The following CDH22 variants were observed in gnomAD, a reference collection of about 807,000 sequenced individuals.
The protein encoded by CDH22 is cadherin 22.
In CDH22, 30 loss-of-function variants were observed where a neutral mutation model predicts 58.4. That is an observed-to-expected ratio of 0.51 (90% CI 0.38 to 0.70). The LOEUF (loss-of-function observed/expected upper bound fraction) is 0.70, where lower values mean the gene tolerates loss of function less well. CDH22 is among the 30% of genes least tolerant of loss of function. CDH22 has a pLI of 0.00. For missense variants in CDH22, 1,014 were observed against 1,233.9 expected (o/e 0.82, Z 2.67); for synonymous variants, 513 against 558.2 (o/e 0.92, Z 1.14).
intron 6 of CDH22, among the ~76,000 whole-genome samples, chr20:46,211,344 C>A (rs1213684836): frequency 1.3e-5 from 2 of 152,200 alleles, no homozygotes; most frequent in African/African-American, 2.4e-5. Context: ...CAGGCAGGTG[C>A]CTACCCTGTG....
intron 1 of CDH22, among the ~76,000 whole-genome samples, chr20:46,302,132 T>C (rs899148643): frequency 2.6e-5 from 4 of 152,102 alleles, no homozygotes; most frequent in Non-Finnish European, 4.4e-5. Context: ...ATGGAGTGAG[T>C]GCAGCTTTGC....
intron 7 of CDH22, among the ~76,000 whole-genome samples, chr20:46,207,404 G>A (rs1323655294): frequency 3.9e-5 from 6 of 152,290 alleles, no homozygotes; most frequent in Admixed American, 6.5e-5. Context: ...TTACCTCCCT[G>A]GGAGAGCCTG....
chr20:46,284,478 G>A (rs2086567045), intron 1 of CDH22, among the ~76,000 whole-genome samples: 1 of 152,206 alleles, frequency 6.6e-6, no homozygotes, highest in Non-Finnish European at 1.5e-5. Context: ...AATCCCTGCT[G>A]TATGCAAGCT....
intron 1 of CDH22, among the ~76,000 whole-genome samples, chr20:46,298,359 G>A (rs1358764461): frequency 6.6e-6 from 1 of 152,194 alleles, no homozygotes; most frequent in Non-Finnish European, 1.5e-5. Context: ...ATCTTCAAAT[G>A]CTGTGTTAAG....
At chr20:46,181,631 T>TCCCTC (rs1568649708) in intron 10 of CDH22, among the ~76,000 whole-genome samples, 55 of 118,420 alleles carry the variant, frequency 4.6e-4, no homozygotes, top group Middle Eastern at 8.5e-3. Context: ...CTCCCTCCCT[T>TCCCTC]CCTTCCTTCT....
rs867708490 is a variant in CDH22 at position 46,210,467 on chromosome 20, G to A, written c.1126C>T (p.Arg376Cys). 10 of 1,436,046 alleles carry A rather than the reference G, an allele frequency of 7.0e-6. No individual in the cohort carries two copies. The highest frequency in any genetic ancestry group is 2.8e-5 in the East Asian group (1 of 36,036). 89.0% of individuals were successfully genotyped at this position (1,436,046 alleles called of 1,614,324 possible). Residue 376 changes from arginine (R) to cysteine (C), a missense_variant, in exon 7 of 12, where the codon CGC becomes TGC. Coordinates refer to ENST00000537909, the MANE Select transcript of CDH22 (RefSeq NM_021248.3). The surrounding 1 kb of genome is among the most constrained non-coding windows in gnomAD (Gnocchi z 4.5). Reference sequence around the variant, plus strand: ...GCCACGCGCACGATCGCCTGGTCGCGGAACGTGCCCAGGTCGGCGAAGCGG... The same window carrying A: ...GCCACGCGCACGATCGCCTGGTCGCAGAACGTGCCCAGGTCGGCGAAGCGG... ...DPRFADLGTFRDQAIVRVAVT... is the reference protein window; with the variant it reads ...DPRFADLGTFCDQAIVRVAVT...
At position 46,257,729 on chromosome 20, in the gene CDH22, C is replaced by T. The variant is rs574200737; in HGVS notation, c.-399-6036G>A. Among the ~76,000 whole-genome samples the T allele has an allele frequency of 1.1e-4, 16 of 152,240 alleles. No individual in the cohort carries two copies. In the South Asian group the frequency reaches 3.3e-3, roughly 32 times the overall value. On this transcript the variant is annotated intron_variant, in intron 1 of 11. Transcript: ENST00000537909. ...ATGGCTAGGAGTTCAGGGGTGAGGT[C>T]CTGCTGCAGGTAGCAATTTGGGAAT...
intron 1 of CDH22, among the ~76,000 whole-genome samples, chr20:46,264,904 G>C (rs905203890): frequency 6.6e-6 from 1 of 150,376 alleles, no homozygotes; most frequent in Non-Finnish European, 1.5e-5. Context: ...CACACACACC[G>C]TGCGCACACA....
intron 7 of CDH22, among the ~76,000 whole-genome samples, chr20:46,203,253 T>G (rs1600694974): frequency 2.6e-5 from 2 of 78,408 alleles, no homozygotes; most frequent in African/African-American, 4.9e-5. Flanking sequence ...AGAGAGTGAG[T>G]GGGAGGGAGG....
At chr20:46,222,092 G>A (rs567385016) in intron 4 of CDH22, among the ~76,000 whole-genome samples, 1 of 152,288 alleles carries the variant, frequency 6.6e-6, no homozygotes, top group African/African-American at 2.4e-5. Context: ...TATGTGAAAT[G>A]GAGACACCCA....
chr20:46,203,796 GAGA>G (rs2085978982), intron 7 of CDH22, among the ~76,000 whole-genome samples: 1 of 152,198 alleles, frequency 6.6e-6, no homozygotes, highest in African/African-American at 2.4e-5. Flanking sequence ...ACAGTAGTCT[GAGA>G]AGGACAGGAG....
chr20:46,257,660 C>T (rs79208050), intron 1 of CDH22, among the ~76,000 whole-genome samples: 1 of 152,162 alleles, frequency 6.6e-6, no homozygotes, highest in African/African-American at 2.4e-5. Context: ...ACCCCGAAAG[C>T]CTGTTAGGCA....
chr20:46,249,457 T>C (rs559422161), intron 2 of CDH22, among the ~76,000 whole-genome samples: 2 of 152,338 alleles, frequency 1.3e-5, no homozygotes, highest in East Asian at 1.9e-4. Flanking sequence ...CATTCATTCA[T>C]TCATTCATTC....
At chr20:46,252,294 G>A (rs1188929079) in intron 1 of CDH22, among the ~76,000 whole-genome samples, 1 of 152,174 alleles carries the variant, frequency 6.6e-6, no homozygotes, top group African/African-American at 2.4e-5. Flanking sequence ...AGAGGGCCTG[G>A]CTTGGAGACA....
intron 1 of CDH22, among the ~76,000 whole-genome samples, chr20:46,281,691 G>T (rs1358832229): frequency 6.6e-6 from 1 of 152,218 alleles, no homozygotes; most frequent in Admixed American, 6.5e-5. Context: ...AAGGGAAATG[G>T]TCAGTTTTTC....
In CDH22 at chr20:46,189,318, G is replaced by A. The variant is rs180819756; in HGVS notation, c.1424-2371C>T. ...GGTGAACCGTTATTTTTAAGAGTGC[G>A]TTGCCGGAGAATTTCAACAGACAGA... On this transcript the variant is annotated intron_variant, in intron 8 of 11. Transcript: ENST00000537909. 2.0e-3 allele frequency among the ~76,000 whole-genome samples: 304 copies of A among 152,328 alleles called. 1 individual carries two copies. The highest frequency in any genetic ancestry group is 6.9e-3 in the African/African-American group (287 of 41,572).
intron 1 of CDH22, among the ~76,000 whole-genome samples, chr20:46,307,712 G>A (rs2059030213): frequency 6.6e-6 from 1 of 151,952 alleles, no homozygotes; most frequent in Non-Finnish European, 1.5e-5. Context: ...CCCCGGACGC[G>A]GCACGACCTC....
At chr20:46,228,635 G>A (rs2086197633) in intron 3 of CDH22, among the ~76,000 whole-genome samples, 3 of 152,174 alleles carry the variant, frequency 2.0e-5, no homozygotes, top group African/African-American at 7.2e-5. Context: ...CCAGAAAGAA[G>A]AGGGTGAGCT....
At chr20:46,184,469 C>T (rs2085810801) in intron 10 of CDH22, among the ~76,000 whole-genome samples, 1 of 152,162 alleles carries the variant, frequency 6.6e-6, no homozygotes, top group Admixed American at 6.5e-5. Context: ...CTCCAGGCAC[C>T]TAGGGTTGAA....
Sources: allele counts gnomAD v4.1 joint callset (sites outside exome capture counted in the v4.1 genomes callset), GRCh38; gene constraint gnomAD v4.1.1; non-coding constraint Gnocchi (gnomAD v3.1); transcripts MANE v1.5; gene names NCBI Gene and HGNC (gene_info 2026-07-23, HGNC 2026-07-21).